Variants in ASIP observed in about 807,000 individuals in gnomAD.
ASIP encodes agouti signaling protein.
A neutral mutation model predicts 10.3 loss-of-function variants in ASIP; 11 were observed. The ratio of observed to expected loss-of-function variants is 1.07; its 90% CI spans 0.68 to 1.78. ASIP has a LOEUF of 1.78. Ranked by LOEUF, ASIP falls within the 40% of genes most tolerant of loss-of-function variation. The probability of loss-of-function intolerance (pLI) is 0.00; values close to 1 mark genes in which losing one functional copy is unlikely to be tolerated. For synonymous variants in ASIP, 70 were observed against 70.8 expected, an observed-to-expected ratio of 0.99 and a Z score of 0.06; for missense variants, 180 against 169.2, an observed-to-expected ratio of 1.06 and a Z score of -0.35.
Position 34,226,951 on chromosome 20 carries a change from C to T in ASIP, c.-11+32191C>T, listed in dbSNP as rs144314886. ...ATAAGGAACAAGGCAAGGATGTCTG[C>T]TCTCACATCTTCTATTGAACTCTCT... On this transcript the variant is annotated intron_variant, in intron 1 of 3. Transcript: ENST00000568305. Among the ~76,000 whole-genome samples the T allele has an allele frequency of 8.5e-5, 13 of 152,260 alleles. No individual in the cohort carries two copies. In the East Asian group the frequency reaches 2.1e-3, roughly 25 times the overall value.
At chr20:34,222,313 G>T (rs1427398561) in intron 1 of ASIP, among the ~76,000 whole-genome samples, 2 of 151,740 alleles carry the variant, frequency 1.3e-5, no homozygotes, top group African/African-American at 2.4e-5. Context: ...AGGAGGATGA[G>T]GCTGTAACTG....
intron 1 of ASIP, among the ~76,000 whole-genome samples, chr20:34,209,455 C>A (rs1049037440): frequency 6.6e-6 from 1 of 152,246 alleles, no homozygotes; most frequent in African/African-American, 2.4e-5. Context: ...GATGCAGCTA[C>A]AGCCACCCAA....
At chr20:34,204,620 T>C (rs1221855448) in intron 1 of ASIP, among the ~76,000 whole-genome samples, 4 of 152,224 alleles carry the variant, frequency 2.6e-5, no homozygotes, top group Non-Finnish European at 5.9e-5. Context: ...TTAGTTCTGA[T>C]AGAAAGAAAG....
At chr20:34,222,819 G>C (rs1472891225) in intron 1 of ASIP, among the ~76,000 whole-genome samples, 1 of 152,020 alleles carries the variant, frequency 6.6e-6, no homozygotes, top group African/African-American at 2.4e-5. Context: ...TGGTGGAGAC[G>C]GGGTTTCGCT....
chr20:34,235,831 A>G (rs2035179659), intron 1 of ASIP, among the ~76,000 whole-genome samples: 1 of 67,630 alleles, frequency 1.5e-5, no homozygotes, highest in East Asian at 3.8e-4. Context: ...GAAAGAAAGA[A>G]AGAAAGAAAG....
intron 1 of ASIP, among the ~76,000 whole-genome samples, chr20:34,247,261 A>G (rs1304610681): frequency 1.3e-5 from 2 of 148,182 alleles, no homozygotes; most frequent in Non-Finnish European, 3.0e-5. Context: ...ACAGGTTTCC[A>G]TCTTATTACG....
chr20:34,243,091 G>A lies in ASIP; in HGVS notation c.-11+1602G>A, dbSNP rs561769560. On this transcript the variant is annotated intron_variant, in intron 1 of 3. Coordinates refer to ENST00000374954, the MANE Select transcript of ASIP (RefSeq NM_001672.3). Reference sequence around the variant, plus strand: ...TTGTACACTGTGGGAATGAACATCTGGGAAGCCTAGACTCTGACCCCTGTT... The same window carrying A: ...TTGTACACTGTGGGAATGAACATCTAGGAAGCCTAGACTCTGACCCCTGTT... Among the ~76,000 whole-genome samples the A allele has an allele frequency of 2.6e-5, 4 of 152,324 alleles. No homozygotes were observed. In the South Asian group the frequency reaches 8.3e-4, roughly 32 times the overall value.
intron 1 of ASIP, among the ~76,000 whole-genome samples, chr20:34,217,809 G>A (rs2035019895): frequency 6.6e-6 from 1 of 152,150 alleles, no homozygotes; most frequent in Non-Finnish European, 1.5e-5. Flanking sequence ...TGATCCGCCC[G>A]CCTCGGCCTC....
chr20:34,195,129 A>T (rs2034846493), intron 1 of ASIP, among the ~76,000 whole-genome samples: 1 of 141,766 alleles, frequency 7.1e-6, no homozygotes. Context: ...AGAAGGTACC[A>T]GAAAAAAAAA....
intron 1 of ASIP, among the ~76,000 whole-genome samples, chr20:34,202,895 G>A (rs938369620): frequency 6.7e-5 from 9 of 133,344 alleles, no homozygotes; most frequent in Non-Finnish European, 9.2e-5. Context: ...TGCAAGCTCC[G>A]CCTCCCAGGT....
Position 34,251,275 on chromosome 20 carries a change from C to CTT in ASIP, c.-10-9078_-10-9077dup, listed in dbSNP as rs541927648. On this transcript the variant is annotated intron_variant, in intron 1 of 3. Coordinates refer to ENST00000374954, the MANE Select transcript of ASIP (RefSeq NM_001672.3). ...CCCTTATAAATCTTTCTCTGTGTAACTTTTTTTTTTTTTGAGACAGAGTCT... is the reference window on the plus strand; with the variant it reads ...CCCTTATAAATCTTTCTCTGTGTAACTTTTTTTTTTTTTTTGAGACAGAGTCT... 2.3e-3 allele frequency among the ~76,000 whole-genome samples: 339 copies of CTT among 146,732 alleles called. 6 individuals are homozygous for CTT. The highest frequency in any genetic ancestry group is 8.0e-3 in the African/African-American group (323 of 40,126).
upstream of ASIP, among the ~76,000 whole-genome samples, chr20:34,239,223 C>A (rs936586591): frequency 4.6e-5 from 7 of 152,042 alleles, no homozygotes; most frequent in African/African-American, 1.7e-4. Context: ...CTCCCAACCC[C>A]ATGTTCAAAT....
At chr20:34,250,274 C>A in intron 1 of ASIP, 1 of 152,382 alleles carries the variant, frequency 6.6e-6, no homozygotes. Context: ...AGAGTTGTGC[C>A]TCATGAACAC....
upstream of ASIP, among the ~76,000 whole-genome samples, chr20:34,237,966 G>T (rs1381481945): frequency 6.6e-6 from 1 of 152,084 alleles, no homozygotes; most frequent in Non-Finnish European, 1.5e-5. Flanking sequence ...GAATTTGTCA[G>T]CCCACAGCCT....
At chr20:34,260,634 C>G in intron 2 of ASIP, 100 bp downstream of exon 2, 1 of 1,282,746 alleles carries the variant, frequency 7.8e-7, no homozygotes, top group Non-Finnish European at 1.1e-6. Context: ...ATGGTCACGG[C>G]TCCTTCTTGC....
intron 1 of ASIP, among the ~76,000 whole-genome samples, chr20:34,201,793 CT>C (rs1236503908): frequency 6.6e-6 from 1 of 152,170 alleles, no homozygotes; most frequent in East Asian, 1.9e-4. Context: ...GTGACCTAAG[CT>C]AAGTTGCATT....
intron 1 of ASIP, among the ~76,000 whole-genome samples, chr20:34,201,020 C>CTTTCTTTCTTTCTTTCTT (rs1568744484): frequency 7.6e-5 from 6 of 78,672 alleles, no homozygotes; most frequent in African/African-American, 6.2e-4. Context: ...TTCCTTCCTT[C>CTTTCTTTCTTTCTTTCTT]TTTCTTTCTT....
chr20:34,234,964 C>T (rs2035160312), intron 1 of ASIP: 1 of 151,778 alleles, frequency 6.6e-6, no homozygotes, highest in Non-Finnish European at 1.5e-5. Flanking sequence ...TTTTTTTCAT[C>T]ATAGCTCCTA....
intron 3 of ASIP, among the ~76,000 whole-genome samples, chr20:34,266,348 TC>T (rs2122680493): frequency 6.8e-6 from 1 of 146,666 alleles, no homozygotes; most frequent in African/African-American, 2.5e-5. Flanking sequence ...AGACTCCGTC[TC>T]AAAAATAATA....
Sources: allele counts gnomAD v4.1 joint callset (sites outside exome capture counted in the v4.1 genomes callset), GRCh38; gene constraint gnomAD v4.1.1; transcripts MANE v1.5; gene names NCBI Gene and HGNC (gene_info 2026-07-23, HGNC 2026-07-21).